CDH4: variants seen among roughly 807,000 people sequenced by gnomAD.
CDH4 encodes cadherin 4.
CDH4 carries 33 observed loss-of-function variants against 86.0 expected under a neutral mutation model. The observed-to-expected ratio is 0.38, with a 90% CI of 0.29 to 0.51. The LOEUF (loss-of-function observed/expected upper bound fraction) is 0.51, where lower values mean the gene tolerates loss of function less well. Among genes scored for constraint, CDH4 ranks in the 20% least tolerant of loss-of-function variants. The pLI, the probability that CDH4 is intolerant of heterozygous loss-of-function variation, is 0.86. For synonymous variants in CDH4, 555 were observed against 549.4 expected (o/e 1.01, Z -0.14); for missense variants, 1,114 against 1,307.4 (o/e 0.85, Z 2.28).
In CDH4 at chr20:61,534,665, C is replaced by CTTTTTTTTTTT. The variant is rs34309371; in HGVS notation, c.170-208886_170-208876dup. Among the ~76,000 whole-genome samples, 90 of 76,042 alleles carry CTTTTTTTTTTT rather than the reference C, an allele frequency of 1.2e-3. 7 individuals carry two copies. The highest frequency in any genetic ancestry group is 5.6e-3 in the African/African-American group (52 of 9,308). 49.9% of individuals were successfully genotyped at this position (76,042 alleles called of 152,430 possible). Reference sequence around the variant, plus strand: ...CTTTCTTTCTTTTCTTTCTTTCTTTCTTTTTTTTTTTTTTTTTTTTTTGAG... The same window carrying CTTTTTTTTTTT: ...CTTTCTTTCTTTTCTTTCTTTCTTTCTTTTTTTTTTTTTTTTTTTTTTTTTTTTTTTTTGAG... On this transcript the variant is annotated intron_variant, in intron 2 of 15. Coordinates refer to ENST00000614565, the MANE Select transcript of CDH4 (RefSeq NM_001794.5).
At position 61,459,581 on chromosome 20, in the gene CDH4, G is replaced by A. The variant is rs1453278033; in HGVS notation, c.169+204644G>A. Among the ~76,000 whole-genome samples the A allele has an allele frequency of 4.6e-5, 7 of 150,722 alleles. No individual in the cohort carries two copies. In the South Asian group the frequency reaches 1.1e-3, roughly 24 times the overall value. On this transcript the variant is annotated intron_variant, in intron 2 of 15. Coordinates refer to ENST00000614565, the MANE Select transcript of CDH4 (RefSeq NM_001794.5). ...TGGGGGACGCTCACAACCAGTGCAA[G>A]AGAAGTGGCCCAGGGAGGGATGGAG...
chr20:61,367,103 T>C (rs1474521720), intron 2 of CDH4, among the ~76,000 whole-genome samples: 1 of 152,118 alleles, frequency 6.6e-6, no homozygotes, highest in Non-Finnish European at 1.5e-5. Context: ...ACCCAAGCCC[T>C]GACTGAGCAA....
At chr20:61,661,051 G>C (rs1053247281) in intron 2 of CDH4, among the ~76,000 whole-genome samples, 3 of 149,602 alleles carry the variant, frequency 2.0e-5, no homozygotes, top group African/African-American at 7.4e-5. Context: ...AGAAGCCATG[G>C]ATGGAGGGAG....
intron 2 of CDH4, among the ~76,000 whole-genome samples, chr20:61,304,956 G>A (rs2084408554): frequency 6.6e-6 from 1 of 151,932 alleles, no homozygotes; most frequent in South Asian, 2.1e-4. Context: ...ATGTGTGTGT[G>A]TGCTTTGTGC....
intron 4 of CDH4, among the ~76,000 whole-genome samples, chr20:61,795,524 A>G (rs1178995583): frequency 2.0e-5 from 3 of 152,214 alleles, no homozygotes; most frequent in Non-Finnish European, 4.4e-5. Flanking sequence ...GACGACACAT[A>G]CGTTGTGCTT....
At chr20:61,459,472 GC>G (rs958348832) in intron 2 of CDH4, among the ~76,000 whole-genome samples, 13 of 145,626 alleles carry the variant, frequency 8.9e-5, no homozygotes, top group African/African-American at 3.3e-4. Flanking sequence ...GGGTGCCTGC[GC>G]CCCCCAGGAC....
At chr20:61,364,350 C>T (rs1041140099) in intron 2 of CDH4, among the ~76,000 whole-genome samples, 5 of 151,176 alleles carry the variant, frequency 3.3e-5, no homozygotes, top group African/African-American at 1.2e-4. Flanking sequence ...GGCAACACCG[C>T]AGGGCTATCC....
chr20:61,812,951 CTG>C (rs1980514590), intron 4 of CDH4, among the ~76,000 whole-genome samples: 1 of 152,216 alleles, frequency 6.6e-6, no homozygotes, highest in African/African-American at 2.4e-5. Context: ...AATGGGGACT[CTG>C]TGGGGAAACT....
At chr20:61,257,593 G>A (rs1035726624) in intron 2 of CDH4, among the ~76,000 whole-genome samples, 2 of 152,222 alleles carry the variant, frequency 1.3e-5, no homozygotes, top group Non-Finnish European at 2.9e-5. Flanking sequence ...CTGTACTTTT[G>A]TTTTTAGGAT....
At chr20:61,435,894 G>C (rs965654642) in intron 2 of CDH4, 1 of 152,266 alleles carries the variant, frequency 6.6e-6, no homozygotes, top group Non-Finnish European at 1.5e-5. Context: ...CTGGGGAGGG[G>C]CTCCAGGACT....
rs1435961209 is a variant in CDH4 at position 61,518,915 on chromosome 20, A to G, written c.170-224648A>G. Among the ~76,000 whole-genome samples, 1 of 151,472 alleles carries G rather than the reference A, an allele frequency of 6.6e-6. No individual in the cohort carries two copies. The highest frequency in any genetic ancestry group is 2.1e-4 in the South Asian group (1 of 4,778). On this transcript the variant is annotated intron_variant, in intron 2 of 15. Coordinates refer to ENST00000614565, the MANE Select transcript of CDH4 (RefSeq NM_001794.5). The surrounding 1 kb of genome is among the most constrained non-coding windows in gnomAD (Gnocchi z 6.3). ...TCATCCATTCATCCATCATTCATTC[A>G]TCTACCCACCTCATTCATCCATCAT...
intron 2 of CDH4, among the ~76,000 whole-genome samples, chr20:61,589,131 A>G (rs1271180624): frequency 6.6e-6 from 1 of 152,136 alleles, no homozygotes; most frequent in African/African-American, 2.4e-5. Flanking sequence ...ATTTGCTTAG[A>G]ATTTTTCCTC....
At chr20:61,699,004 T>A (rs1292791713) in intron 2 of CDH4, among the ~76,000 whole-genome samples, 1 of 152,228 alleles carries the variant, frequency 6.6e-6, no homozygotes, top group Non-Finnish European at 1.5e-5. Flanking sequence ...CACTTTATGC[T>A]ACACAAGAAT....
chr20:61,566,542 C>T (rs751360812), intron 2 of CDH4, among the ~76,000 whole-genome samples: 1 of 152,046 alleles, frequency 6.6e-6, no homozygotes, highest in Non-Finnish European at 1.5e-5. Flanking sequence ...TGACAGGCCC[C>T]GCACATGGAC....
intron 2 of CDH4, among the ~76,000 whole-genome samples, chr20:61,664,450 G>A (rs1265537844): frequency 3.3e-5 from 5 of 152,316 alleles, no homozygotes; most frequent in East Asian, 1.9e-4. Context: ...GCTGAACACC[G>A]CGGCCTTTGC....
chr20:61,635,843 A>G (rs768923283), intron 2 of CDH4, among the ~76,000 whole-genome samples: 2 of 152,168 alleles, frequency 1.3e-5, no homozygotes, highest in Admixed American at 6.5e-5. Flanking sequence ...CTGCCCGCCC[A>G]TAGTTGGTCC....
chr20:61,417,632 A>C lies in CDH4; in HGVS notation c.169+162695A>C, dbSNP rs990320526. Reference sequence around the variant, plus strand: ...CTATCTAGCAGGGCTGTAAATTGGCAGCGTGGATTGGGGAGCAAATTTCTA... The same window carrying C: ...CTATCTAGCAGGGCTGTAAATTGGCCGCGTGGATTGGGGAGCAAATTTCTA... On this transcript the variant is annotated intron_variant, in intron 2 of 15. Coordinates refer to ENST00000614565, the MANE Select transcript of CDH4 (RefSeq NM_001794.5). The surrounding 1 kb of genome is among the most constrained non-coding windows in gnomAD (Gnocchi z 4.0). Among the ~76,000 whole-genome samples the C allele has an allele frequency of 1.3e-5, 2 of 152,198 alleles. No individual in the cohort carries two copies. Among genetic ancestry groups the C allele is most frequent in the East Asian group, 3.9e-4 (2 of 5,182 alleles).
chr20:61,862,000 G>T (rs1411492192), intron 6 of CDH4, among the ~76,000 whole-genome samples: 1 of 152,200 alleles, frequency 6.6e-6, no homozygotes, highest in African/African-American at 2.4e-5. Context: ...AACGTCCCAG[G>T]CCACTGTGAA....
intron 2 of CDH4, among the ~76,000 whole-genome samples, chr20:61,736,119 G>T (rs2088259884): frequency 6.6e-6 from 1 of 151,722 alleles, no homozygotes; most frequent in Non-Finnish European, 1.5e-5. Context: ...CAGTCACCAG[G>T]TCAGCAGCCT....
Sources: gnomAD v4.1 joint callset for allele counts (sites outside exome capture counted in the v4.1 genomes callset) on GRCh38, gnomAD v4.1.1 for gene constraint, Gnocchi (gnomAD v3.1) non-coding constraint, MANE v1.5 for transcripts, NCBI Gene and HGNC (gene_info 2026-07-23, HGNC 2026-07-21) for gene names.